The following NUDCD3 variants were observed in gnomAD, a reference collection of about 807,000 sequenced individuals.
NUDCD3 encodes the protein nudC domain-containing protein 3.
A neutral mutation model predicts 39.7 loss-of-function variants in NUDCD3; 13 were observed. The ratio of observed to expected loss-of-function variants is 0.33; its 90% confidence interval spans 0.21 to 0.52. NUDCD3 has a LOEUF of 0.52. NUDCD3 is among the 20% of genes least tolerant of loss of function. The probability of loss-of-function intolerance (pLI) is 0.96; values close to 1 mark genes in which losing one functional copy is unlikely to be tolerated. For missense variants in NUDCD3, 453 were observed against 458.1 expected, an observed-to-expected ratio of 0.99 and a Z score of 0.10; for synonymous variants, 175 against 172.4, an observed-to-expected ratio of 1.02 and a Z score of -0.12.
At chr7:44,446,638 G>C (rs982788058) in intron 2 of NUDCD3, among the ~76,000 whole-genome samples, 1 of 152,172 alleles carries the variant, frequency 6.6e-6, no homozygotes, top group African/African-American at 2.4e-5. Flanking sequence ...CAATGCCCAG[G>C]GTGTGACCAT....
intron 4 of NUDCD3, among the ~76,000 whole-genome samples, chr7:44,401,536 G>A (rs1164243655): frequency 1.3e-5 from 2 of 152,156 alleles, no homozygotes; most frequent in Admixed American, 1.3e-4. Context: ...CTTTATTCAG[G>A]TACTTGATTT....
chr7:44,400,030 T>C (rs1014847313), intron 4 of NUDCD3, among the ~76,000 whole-genome samples: 4 of 152,186 alleles, frequency 2.6e-5, no homozygotes, highest in African/African-American at 9.7e-5. Context: ...AGCATAGCCA[T>C]GTCCAAGAGC....
At chr7:44,435,898 G>T (rs548672211) in intron 2 of NUDCD3, among the ~76,000 whole-genome samples, 2 of 152,162 alleles carry the variant, frequency 1.3e-5, no homozygotes, top group Non-Finnish European at 2.9e-5. Context: ...TTACAATAAA[G>T]ACGAGGGGCA....
At chr7:44,446,733 C>T (rs2116929192) in intron 2 of NUDCD3, among the ~76,000 whole-genome samples, 1 of 152,304 alleles carries the variant, frequency 6.6e-6, no homozygotes, top group Non-Finnish European at 1.5e-5. Flanking sequence ...CTTATTGCCT[C>T]CCTTAAAAAG....
intron 2 of NUDCD3, among the ~76,000 whole-genome samples, chr7:44,458,366 A>T (rs1254345070): frequency 6.6e-6 from 1 of 152,224 alleles, no homozygotes; most frequent in African/African-American, 2.4e-5. Context: ...TCAGGTAATA[A>T]AAATGTTCTG....
rs191302644 is a variant in NUDCD3, at chr7:44,460,012, C to T, written c.509+24956G>A. Among the ~76,000 whole-genome samples, 825 of 152,270 alleles carry T rather than the reference C, an allele frequency of 5.4e-3. 4 individuals are homozygous for T. Among genetic ancestry groups the T allele is most frequent in the Middle Eastern group, 0.017 (5 of 294 alleles). ...AAATCAAACAATATTAAAGAACAGT[C>T]TTGAGCCCTTTAGTAGACAATGGAA... On this transcript the variant is annotated intron_variant, in intron 2 of 5. Coordinates refer to ENST00000355451, the MANE Select transcript of NUDCD3 (RefSeq NM_015332.4).
rs146815697 is a variant in NUDCD3 at position 44,436,701 on chromosome 7, T to C, written c.510-8998A>G. Among the ~76,000 whole-genome samples, 10 of 152,372 alleles carry C rather than the reference T, an allele frequency of 6.6e-5. No individual in the cohort carries two copies. The East Asian group carries it at 1.7e-3, about 26-fold the overall frequency. ...GGCTGAACAGCTCTTCATATACTTATTGGTCATATATGTCTCATCACCTGT... is the reference window on the plus strand; with the variant it reads ...GGCTGAACAGCTCTTCATATACTTACTGGTCATATATGTCTCATCACCTGT... On this transcript the variant is annotated intron_variant, in intron 2 of 5. Transcript: ENST00000355451.
intron 2 of NUDCD3, chr7:44,468,392 G>A: frequency 1.9e-6 from 2 of 1,060,988 alleles, no homozygotes; most frequent in Non-Finnish European, 2.7e-6. Context: ...TAAGGCCCAG[G>A]GAGACGAAAG....
chr7:44,458,219 C>T (rs745972428), intron 2 of NUDCD3, among the ~76,000 whole-genome samples: 4 of 152,146 alleles, frequency 2.6e-5, no homozygotes, highest in Non-Finnish European at 5.9e-5. Flanking sequence ...ACACAAAGGC[C>T]ACATAATGTA....
chr7:44,485,207 T>C lies in NUDCD3; in HGVS notation c.270A>G (p.Arg90=). The part of the protein sequence containing the change: ...RRQELEEKIR[R]KEEEEAKTVS... ...CAGTCTTGGCCTCTTCCTCTTCCTT[T>C]CTTCTGATTTTCTCTTCAAGTTCCT... The change falls in exon 2 of 6, where the codon AGA becomes AGG. Residue 90 remains arginine, a synonymous_variant. Transcript: ENST00000355451. 1.2e-6 allele frequency: 2 copies of C among 1,614,220 alleles called. No individual in the cohort carries two copies. Among genetic ancestry groups the C allele is most frequent in the Non-Finnish European group, 1.7e-6 (2 of 1,180,024 alleles).
At chr7:44,387,311 C>A (rs1262853422) in intron 5 of NUDCD3, among the ~76,000 whole-genome samples, 1 of 152,118 alleles carries the variant, frequency 6.6e-6, no homozygotes, top group Non-Finnish European at 1.5e-5. Context: ...TGGGTGCAGT[C>A]CACCATACCC....
chr7:44,453,349 T>C (rs566934482), intron 2 of NUDCD3, among the ~76,000 whole-genome samples: 111 of 151,220 alleles, frequency 7.3e-4, no homozygotes, highest in African/African-American at 2.6e-3. Flanking sequence ...TGAGACTTCA[T>C]CTCAAAAAAA....
chr7:44,462,151 ACT>A (rs146237029), intron 2 of NUDCD3, among the ~76,000 whole-genome samples: 7 of 149,960 alleles, frequency 4.7e-5, no homozygotes, highest in African/African-American at 4.9e-5. Flanking sequence ...GTACACACAC[ACT>A]CTCTCTCTCT....
In NUDCD3 at chr7:44,381,493, T is replaced by G. The variant is rs1363132397; in HGVS notation, c.*4518A>C. The stretch of plus-strand genomic sequence containing the variant: ...GGATCCTGGACCTGGGCCCCCCGAG[T>G]CACCAGCCACATGGCCTTGGGAGTG... On this transcript the variant is annotated 3_prime_UTR_variant, in exon 6 of 6. Transcript: ENST00000355451. The G allele has an allele frequency of 3.9e-5, 6 of 152,152 alleles. No individual in the cohort carries two copies. Among genetic ancestry groups the G allele is most frequent in the Admixed American group, 1.3e-4 (2 of 15,272 alleles). The allele number at this position is 152,152 out of a possible 1,614,324, so 9.4% of individuals were successfully genotyped here.
intron 2 of NUDCD3, among the ~76,000 whole-genome samples, chr7:44,478,241 T>C (rs2116975024): frequency 6.6e-6 from 1 of 152,318 alleles, no homozygotes; most frequent in South Asian, 2.1e-4. Context: ...CTCTCTTCTC[T>C]GAGGAATAAG....
chr7:44,485,107 A>G lies in NUDCD3; in HGVS notation c.370T>C (p.Leu124=), dbSNP rs1326315445. The change falls in exon 2 of 6, where the codon TTG becomes CTG. Residue 124 remains leucine, a synonymous_variant. Transcript: ENST00000355451. ...QEIEIDSTTE[L]DGHQEVEKVQ... ...TTCTCTACTTCCTGATGCCCATCCA[A>G]TTCTGTGGTGGAGTCAATCTCTATT... 1.4e-5 allele frequency: 22 copies of G among 1,613,984 alleles called. No homozygotes were observed. Among genetic ancestry groups the G allele is most frequent in the Non-Finnish European group, 1.9e-5 (22 of 1,180,034 alleles).
At chr7:44,458,981 G>GTGT (rs1563183463) in intron 2 of NUDCD3, among the ~76,000 whole-genome samples, 4 of 81,936 alleles carry the variant, frequency 4.9e-5, no homozygotes, top group Non-Finnish European at 7.7e-5. Context: ...TGTGTGTGTG[G>GTGT]TGATGTGTAT....
intron 1 of NUDCD3, among the ~76,000 whole-genome samples, chr7:44,487,974 A>T (rs10243706): frequency 6.6e-6 from 1 of 151,460 alleles, no homozygotes; most frequent in Non-Finnish European, 1.5e-5. Flanking sequence ...ATAAAAAAAT[A>T]AAAAAAAGAA....
At position 44,380,543 on chromosome 7, in the gene NUDCD3, C is replaced by CA. The variant is rs1361773463; in HGVS notation, c.*5467dup. The CA allele has an allele frequency of 6.6e-6, 1 of 152,310 alleles. No homozygotes were observed. The highest frequency in any genetic ancestry group is 1.9e-4 in the East Asian group (1 of 5,200). 9.4% of individuals were successfully genotyped at this position (152,310 alleles called of 1,614,324 possible). Reference sequence around the variant, plus strand: ...TGGGTTTCCCAGCCTTTGATGACCCCAAACGCTGTCTCTTCCCTAAGGGTC... The same window carrying CA: ...TGGGTTTCCCAGCCTTTGATGACCCCAAAACGCTGTCTCTTCCCTAAGGGTC... On this transcript the variant is annotated 3_prime_UTR_variant, in exon 6 of 6. Transcript: ENST00000355451.
Sources: gnomAD v4.1 joint callset for allele counts (sites outside exome capture counted in the v4.1 genomes callset) on GRCh38, gnomAD v4.1.1 for gene constraint, MANE v1.5 for transcripts, NCBI Gene and HGNC (gene_info 2026-07-23, HGNC 2026-07-21) for gene names.